The following ESR1 variants were observed in gnomAD, a reference collection of about 807,000 sequenced individuals.
ESR1 encodes estrogen receptor.
A neutral mutation model predicts 52.7 loss-of-function variants in ESR1; 12 were observed. The ratio of observed to expected loss-of-function variants is 0.23; its 90% CI spans 0.15 to 0.37. ESR1 has a LOEUF of 0.37. ESR1 is among the 10% of genes least tolerant of loss of function. ESR1 has a pLI of 1.00. For synonymous variants in ESR1, 305 were observed against 316.8 expected (o/e 0.96, Z 0.39); for missense variants, 584 against 779.7 (o/e 0.75, Z 2.99).
At chr6:151,705,147 C>T (rs567368908) in intron 2 of ESR1, among the ~76,000 whole-genome samples, 42 of 152,158 alleles carry the variant, frequency 2.8e-4, no homozygotes, top group African/African-American at 9.2e-4. Flanking sequence ...ATAAATGATA[C>T]TTAATAGAGC....
intron 2 of ESR1, among the ~76,000 whole-genome samples, chr6:151,710,320 T>C (rs1408775250): frequency 6.6e-6 from 1 of 152,030 alleles, no homozygotes. Flanking sequence ...GATACGTGGA[T>C]TACATTTTTA....
intron 3 of ESR1, among the ~76,000 whole-genome samples, chr6:151,943,379 T>TAA (rs1248314600): frequency 7.5e-6 from 1 of 133,892 alleles, no homozygotes; most frequent in Admixed American, 7.7e-5. Flanking sequence ...GACTCCATCT[T>TAA]AAAAAAAAAA....
At chr6:151,718,342 A>G (rs1187639039) in intron 2 of ESR1, among the ~76,000 whole-genome samples, 1 of 152,234 alleles carries the variant, frequency 6.6e-6, no homozygotes, top group Non-Finnish European at 1.5e-5. Context: ...GTTGCAACTT[A>G]CCATTTTAAT....
At chr6:152,026,041 G>A (rs2044121261) in intron 5 of ESR1, among the ~76,000 whole-genome samples, 1 of 151,810 alleles carries the variant, frequency 6.6e-6, no homozygotes, top group Admixed American at 6.6e-5. Context: ...TTGTTTTACT[G>A]TTTATAAATA....
chr6:152,062,992 G>T (rs560131859), intron 6 of ESR1, among the ~76,000 whole-genome samples: 2 of 152,170 alleles, frequency 1.3e-5, no homozygotes, highest in African/African-American at 4.8e-5. Context: ...CCACCAAAAA[G>T]TTGGATTCAT....
At chr6:152,034,431 T>G (rs1441736120) in intron 5 of ESR1, among the ~76,000 whole-genome samples, 1 of 152,182 alleles carries the variant, frequency 6.6e-6, no homozygotes, top group Non-Finnish European at 1.5e-5. Context: ...TTCATTCTTT[T>G]GTTTTAATTT....
rs138331248 is a variant in ESR1 at position 152,101,159 on chromosome 6, G to T, written c.*2193G>T. On this transcript the variant is annotated 3_prime_UTR_variant, in exon 8 of 8. Coordinates refer to ENST00000206249, the MANE Select transcript of ESR1 (RefSeq NM_000125.4). ...TTTCATATCAACTTTTGTATCCACA[G>T]TAGACAAAATAGCACTAATCCAGAT... 3.5e-5 allele frequency: 8 copies of T among 229,074 alleles called. No individual in the cohort carries two copies. Among genetic ancestry groups the T allele is most frequent in the Middle Eastern group, 1.3e-3 (1 of 762 alleles). The allele number at this position is 229,074 out of a possible 1,614,324, so 14.2% of individuals were successfully genotyped here.
intron 6 of ESR1, chr6:152,125,159 C>G: frequency 7.4e-7 from 1 of 1,349,844 alleles, no homozygotes. Context: ...CTAGCAGGGA[C>G]TCAGGCTTCC....
At chr6:151,956,877 TATAA>T (rs142879362) in intron 4 of ESR1, among the ~76,000 whole-genome samples, 75,656 of 136,958 alleles carry the variant, frequency 0.55, 23,179 homozygotes, top group Middle Eastern at 0.71. Context: ...TATATATATA[TATAA>T]AATTTTTTTT....
chr6:151,721,028 A>T (rs1284340501), intron 2 of ESR1, among the ~76,000 whole-genome samples: 1 of 152,238 alleles, frequency 6.6e-6, no homozygotes, highest in African/African-American at 2.4e-5. Flanking sequence ...GTACAGTGAG[A>T]GACACAAACA....
At chr6:151,790,508 A>G (rs953503690) in intron 2 of ESR1, among the ~76,000 whole-genome samples, 2 of 151,776 alleles carry the variant, frequency 1.3e-5, no homozygotes, top group African/African-American at 4.8e-5. Context: ...AACATCCTCT[A>G]ATTTCCCAAT....
chr6:151,933,808 T>C (rs1342141179), intron 3 of ESR1, among the ~76,000 whole-genome samples: 1 of 152,226 alleles, frequency 6.6e-6, no homozygotes, highest in Admixed American at 6.5e-5. Context: ...GCATGTCTTA[T>C]TGGCTTTACT....
chr6:151,704,131 T>G (rs899018179), intron 2 of ESR1, among the ~76,000 whole-genome samples: 8 of 152,266 alleles, frequency 5.3e-5, no homozygotes, highest in Admixed American at 2.0e-4. Flanking sequence ...ATGTAAAATG[T>G]ATGTTGATAG....
intron 6 of ESR1, among the ~76,000 whole-genome samples, chr6:152,083,270 T>C (rs1262071106): frequency 6.6e-6 from 1 of 152,102 alleles, no homozygotes; most frequent in African/African-American, 2.4e-5. Context: ...AATAGATATA[T>C]AGACTAATGG....
chr6:151,963,549 T>C (rs925336413), intron 4 of ESR1, among the ~76,000 whole-genome samples: 4 of 152,248 alleles, frequency 2.6e-5, no homozygotes, highest in Non-Finnish European at 5.9e-5. Context: ...CCTTTTGAAT[T>C]GTTTGAATTC....
At position 152,126,218 on chromosome 6, in the gene ESR1, C is replaced by T. The variant is rs917973969; in HGVS notation, c.*870C>T. ...GCAGCTGGCTGCCCTTGAAAATATC[C>T]GAACTATCCACTGGGAAAATGCCTG... On this transcript the variant is annotated 3_prime_UTR_variant, in exon 7 of 7. Coordinates refer to the ESR1 transcript ENST00000427531. The T allele has an allele frequency of 4.6e-5, 7 of 152,152 alleles. No individual in the cohort carries two copies. The East Asian group carries it at 7.7e-4, about 17-fold the overall frequency. 9.4% of individuals were successfully genotyped at this position (152,152 alleles called of 1,614,324 possible).
chr6:152,013,996 A>G (rs544108423), intron 5 of ESR1, among the ~76,000 whole-genome samples: 1 of 152,118 alleles, frequency 6.6e-6, no homozygotes, highest in Non-Finnish European at 1.5e-5. Flanking sequence ...TAACTGAAAC[A>G]TAAGCAAAGG....
At chr6:151,728,519 C>T (rs1363577936) in intron 2 of ESR1, among the ~76,000 whole-genome samples, 2 of 152,156 alleles carry the variant, frequency 1.3e-5, no homozygotes, top group Non-Finnish European at 2.9e-5. Context: ...TATTCAATGA[C>T]TTATACCTTT....
At position 151,850,090 on chromosome 6, in the gene ESR1, A is replaced by AATTT. The variant is rs1457478534; in HGVS notation, c.643+7303_643+7304insATTT. Among the ~76,000 whole-genome samples the AATTT allele has an allele frequency of 8.4e-3, 220 of 26,252 alleles. 6 individuals are homozygous for AATTT. The highest frequency in any genetic ancestry group is 0.036 in the African/African-American group (175 of 4,918). The allele number at this position is 26,252 out of a possible 152,430, so 17.2% of individuals were successfully genotyped here. Reference sequence around the variant, plus strand: ...TATATATATAAAAAATTATATATATATAATTTTATATATATATACAAAATT... The same window carrying AATTT: ...TATATATATAAAAAATTATATATATAATTTTAATTTTATATATATATACAAAATT... On this transcript the variant is annotated intron_variant, in intron 2 of 7. Transcript: ENST00000206249.
Sources: gnomAD v4.1 joint callset for allele counts (sites outside exome capture counted in the v4.1 genomes callset) on GRCh38, gnomAD v4.1.1 for gene constraint, MANE v1.5 for transcripts, NCBI Gene and HGNC (gene_info 2026-07-23, HGNC 2026-07-21) for gene names.